The following PAXIP1 variants were observed in gnomAD, a reference collection of about 807,000 sequenced individuals.
The protein encoded by PAXIP1 is PAX interacting protein 1, also known as PAX-interacting protein 1.
PAXIP1 carries 19 observed loss-of-function variants against 140.6 expected under a neutral mutation model. That is an observed-to-expected ratio of 0.14 (90% CI 0.09 to 0.20). The LOEUF is 0.20. PAXIP1 is among the 10% of genes least tolerant of loss of function. The probability of loss-of-function intolerance (pLI) is 1.00; values close to 1 mark genes in which losing one functional copy is unlikely to be tolerated. For missense variants in PAXIP1, 920 were observed against 1,208.6 expected (o/e 0.76, Z 3.54); for synonymous variants, 442 against 444.6 (o/e 0.99, Z 0.07).
At chr7:154,998,853 T>C in intron 1 of PAXIP1, 69 bp from the exon 2 acceptor site, 1 of 1,345,246 alleles carries the variant, frequency 7.4e-7, no homozygotes, top group African/African-American at 1.4e-5. Context: ...ATTACAGAAA[T>C]AATTATTGGG....
chr7:154,983,212 C>A lies in PAXIP1; in HGVS notation c.438+7G>T. 3.3e-6 allele frequency: 5 copies of A among 1,497,934 alleles called. No homozygotes were observed. Among genetic ancestry groups the A allele is most frequent in the Non-Finnish European group, 1.8e-6 (2 of 1,094,652 alleles). 92.8% of individuals were successfully genotyped at this position (1,497,934 alleles called of 1,614,324 possible). On this transcript the variant is annotated splice_region_variant and intron_variant, in intron 5 of 20. Transcript: ENST00000404141. ...TACAAAAAGAAGGTGGCACAAGAAACGCTTACCCCCTTTGGCTCTGGAACA... is the reference window on the plus strand; with the variant it reads ...TACAAAAAGAAGGTGGCACAAGAAAAGCTTACCCCCTTTGGCTCTGGAACA...
At chr7:154,964,028 AAGCTC>A (rs1808888462) in intron 8 of PAXIP1, 1 of 409,008 alleles carries the variant, frequency 2.4e-6, no homozygotes, top group African/African-American at 2.0e-5. Flanking sequence ...AGGGCTTCTC[AAGCTC>A]AATGTAACTG....
chr7:155,002,814 G>A (rs1810990126), intron 1 of PAXIP1, 35 bp downstream of exon 1: 7 of 1,246,346 alleles, frequency 5.6e-6, no homozygotes, highest in Admixed American at 2.3e-5. Flanking sequence ...GGACGCGGAC[G>A]GGGGAGGAGG....
chr7:154,986,535 T>A lies in PAXIP1; in HGVS notation c.325-3203A>T, dbSNP rs781189954. Among the ~76,000 whole-genome samples the A allele has an allele frequency of 3.3e-5, 5 of 152,202 alleles. No individual in the cohort carries two copies. The highest frequency in any genetic ancestry group is 5.9e-5 in the Non-Finnish European group (4 of 68,032). The stretch of plus-strand genomic sequence containing the variant: ...CACAAAGGAAGTACCCATCAAGGAT[T>A]TGTTGGACCAAAGTCCCTTAGCTGC... On this transcript the variant is annotated intron_variant, in intron 4 of 20. Transcript: ENST00000404141. The surrounding 1 kb of genome is among the most constrained non-coding windows in gnomAD (Gnocchi z 4.8).
At chr7:154,991,449 C>T (rs901258898) in intron 3 of PAXIP1, among the ~76,000 whole-genome samples, 3 of 152,164 alleles carry the variant, frequency 2.0e-5, no homozygotes, top group African/African-American at 4.8e-5. Flanking sequence ...AAAATTAAAA[C>T]GTCTTGTTTC....
chr7:154,995,406 A>G (rs1810536261), intron 2 of PAXIP1, among the ~76,000 whole-genome samples: 1 of 152,234 alleles, frequency 6.6e-6, no homozygotes, highest in Admixed American at 6.5e-5. Context: ...GTCCCATCCA[A>G]GCACAGTAGA....
chr7:154,998,936 T>C (rs1810762917), intron 1 of PAXIP1, among the ~76,000 whole-genome samples, 152 bp from the exon 2 acceptor site: 1 of 152,242 alleles, frequency 6.6e-6, no homozygotes, highest in African/African-American at 2.4e-5. Flanking sequence ...CTCTGAATAA[T>C]ATGCCAATGA....
In PAXIP1 at chr7:154,991,068, C is replaced by T; in HGVS notation, c.262G>A (p.Val88Ile). 2 of 1,503,656 alleles carry T rather than the reference C, an allele frequency of 1.3e-6. No homozygotes were observed. The highest frequency in any genetic ancestry group is 1.8e-6 in the Non-Finnish European group (2 of 1,108,130). 93.1% of individuals were successfully genotyped at this position (1,503,656 alleles called of 1,614,324 possible). The change falls in exon 4 of 21, where the codon GTA (valine) becomes ATA (isoleucine). Residue 88 changes from valine to isoleucine, a missense_variant and splice_region_variant. By Grantham distance (29) the Val-to-Ile change is conservative (BLOSUM62 3). Coordinates refer to ENST00000404141, the MANE Select transcript of PAXIP1 (RefSeq NM_007349.4). ...LSVQCGTLLP[V>I]NGFSPESCQI... ...CATGATTCTGGAGAAAAACCATTTACTCTGTTTTATAGTTATTAAGATTAC... is the reference window on the plus strand; with the variant it reads ...CATGATTCTGGAGAAAAACCATTTATTCTGTTTTATAGTTATTAAGATTAC...
chr7:154,976,284 A>G lies in PAXIP1; in HGVS notation c.486T>C (p.Thr162=). 6.2e-7 allele frequency: 1 copy of G among 1,610,570 alleles called. No individual in the cohort carries two copies. Among genetic ancestry groups the G allele is most frequent in the Non-Finnish European group, 8.5e-7 (1 of 1,178,794 alleles). ...ATACGCAATCCAGAACCCAGTCAGG[A>G]GTCACAATTTTAATACTTGCTCGCT... ...ALKRASIKIV[T]PDWVLDCVSE... is the part of the protein sequence containing the mutation. Residue 162 remains threonine (T), a synonymous_variant, in exon 6 of 21, where the codon ACT becomes ACC. Coordinates refer to ENST00000404141, the MANE Select transcript of PAXIP1 (RefSeq NM_007349.4).
At position 154,968,695 on chromosome 7, in the gene PAXIP1, A is replaced by G; in HGVS notation, c.1506T>C (p.His502=). The G allele has an allele frequency of 1.4e-6, 1 of 713,614 alleles. No individual in the cohort carries two copies. The highest frequency in any genetic ancestry group is 2.6e-6 in the Non-Finnish European group (1 of 383,618). The allele number at this position is 713,614 out of a possible 1,614,324, so 44.2% of individuals were successfully genotyped here. A position where few individuals can be genotyped will look rare whatever the true frequency, so the allele number is the denominator to read the frequency against. The part of the protein sequence containing the change: ...QQQHALQQQF[H]QLQQHQLQQQ... ...GCTGGAGCTGGTGCTGCTGCAGCTG[A>G]TGGAACTGCTGCTGCAGGGCATGCT... Residue 502 remains histidine (H), a synonymous_variant, in exon 7 of 21, where the codon CAT becomes CAC. Coordinates refer to ENST00000404141, the MANE Select transcript of PAXIP1 (RefSeq NM_007349.4).
chr7:154,946,099 C>A lies in PAXIP1; in HGVS notation c.3194+266G>T. On this transcript the variant is annotated intron_variant, in intron 20 of 20. Coordinates refer to ENST00000404141, the MANE Select transcript of PAXIP1 (RefSeq NM_007349.4). The surrounding 1 kb of genome is among the most constrained non-coding windows in gnomAD (Gnocchi z 4.9). Reference sequence around the variant, plus strand: ...TTCTATTTTATCTAATTGTCAAATTCTTTAATACCTCCATAAACTAGACAG... The same window carrying A: ...TTCTATTTTATCTAATTGTCAAATTATTTAATACCTCCATAAACTAGACAG... The A allele has an allele frequency of 1.0e-6, 1 of 974,214 alleles. No individual in the cohort carries two copies. Among genetic ancestry groups the A allele is most frequent in the Non-Finnish European group, 1.2e-6 (1 of 819,730 alleles). The allele number at this position is 974,214 out of a possible 1,614,324, so 60.3% of individuals were successfully genotyped here.
chr7:154,947,555 C>T (rs1413210750), intron 17 of PAXIP1: 4 of 217,566 alleles, frequency 1.8e-5, no homozygotes, highest in Non-Finnish European at 3.7e-5. Flanking sequence ...ACGAAGTAAG[C>T]GATGTCCTCT....
intron 5 of PAXIP1, among the ~76,000 whole-genome samples, 163 bp from the exon 6 acceptor site, chr7:154,976,494 G>A (rs1563378613): frequency 6.6e-6 from 1 of 152,158 alleles, no homozygotes; most frequent in African/African-American, 2.4e-5. Context: ...TTTAGACAGA[G>A]GACATGAGGC....
At chr7:154,984,432 T>C (rs1480695026) in intron 4 of PAXIP1, among the ~76,000 whole-genome samples, 1 of 152,244 alleles carries the variant, frequency 6.6e-6, no homozygotes, top group Non-Finnish European at 1.5e-5. Flanking sequence ...TTTAAAAGTA[T>C]TGATAATAGC....
rs972075480 is a variant in PAXIP1, at chr7:154,954,838, C to G, written c.2653-415G>C. 6.6e-6 allele frequency among the ~76,000 whole-genome samples: 1 copy of G among 152,156 alleles called. No homozygotes were observed. The highest frequency in any genetic ancestry group is 1.5e-5 in the Non-Finnish European group (1 of 68,026). On this transcript the variant is annotated intron_variant, in intron 15 of 20. Transcript: ENST00000404141. This position sits in a 1 kb window ranked among gnomAD's most constrained non-coding sequence, Gnocchi z 5.1. ...TTTGAAATGATAGCATAAAAACTGG[C>G]TAAGACTTGAGCATATAAAAAAGCG...
intron 16 of PAXIP1, among the ~76,000 whole-genome samples, chr7:154,952,479 A>G (rs1808314804): frequency 6.6e-6 from 1 of 152,208 alleles, no homozygotes; most frequent in African/African-American, 2.4e-5. Context: ...TTTGCTGTTT[A>G]AAATGTCCAC....
At chr7:154,944,315 A>T in intron 20 of PAXIP1, 151 bp from the exon 21 acceptor site, 1 of 609,602 alleles carries the variant, frequency 1.6e-6, no homozygotes, top group East Asian at 3.0e-5. Context: ...GCTCTGCTGC[A>T]TACCCACATC....
At chr7:154,951,712 AACC>A (rs1316224992) in intron 16 of PAXIP1, 4 of 152,258 alleles carry the variant, frequency 2.6e-5, no homozygotes, top group Non-Finnish European at 5.9e-5. Flanking sequence ...CAGATAAAAC[AACC>A]ACATTTTCAC....
At chr7:154,972,308 A>G (rs1809366508) in intron 6 of PAXIP1, among the ~76,000 whole-genome samples, 1 of 152,180 alleles carries the variant, frequency 6.6e-6, no homozygotes, top group Non-Finnish European at 1.5e-5. Context: ...CCAACATGGC[A>G]AAAACCCGTC....
Sources: allele counts gnomAD v4.1 joint callset (sites outside exome capture counted in the v4.1 genomes callset), GRCh38; gene constraint gnomAD v4.1.1; non-coding constraint Gnocchi (gnomAD v3.1); transcripts MANE v1.5; gene names NCBI Gene and HGNC (gene_info 2026-07-23, HGNC 2026-07-21).